F13A1: variants seen among roughly 807,000 people sequenced by gnomAD.
F13A1 encodes FSF, A subunit.
Under a neutral mutation model 80.1 loss-of-function variants are expected in F13A1, and 47 were observed. The observed-to-expected ratio is 0.59, with a 90% CI of 0.46 to 0.75. F13A1 has a LOEUF of 0.75. Ranked by LOEUF, F13A1 falls within the 30% of genes least tolerant of loss-of-function variation. F13A1 has a pLI of 0.00. For synonymous variants in F13A1, 349 were observed against 344.9 expected, an observed-to-expected ratio of 1.01 and a Z score of -0.13; for missense variants, 817 against 930.4, an observed-to-expected ratio of 0.88 and a Z score of 1.59.
intron 3 of F13A1, among the ~76,000 whole-genome samples, chr6:6,294,117 T>TA (rs1219530362): frequency 3.9e-5 from 6 of 152,190 alleles, no homozygotes; most frequent in Non-Finnish European, 1.5e-5. Flanking sequence ...AAAAAAAGTT[T>TA]TTTTAAGTAT....
intron 11 of F13A1, among the ~76,000 whole-genome samples, chr6:6,176,573 T>C (rs1760885853): frequency 1.3e-5 from 2 of 152,220 alleles, no homozygotes; most frequent in South Asian, 4.1e-4. Flanking sequence ...TTTCCCTGAT[T>C]GTCAAGACTG....
intron 13 of F13A1, among the ~76,000 whole-genome samples, chr6:6,158,525 C>T (rs1760516597): frequency 6.6e-6 from 1 of 152,106 alleles, no homozygotes; most frequent in African/African-American, 2.4e-5. Context: ...GACGTGGATT[C>T]GGTTTCTCAG....
At chr6:6,239,565 A>T (rs1163878301) in intron 6 of F13A1, among the ~76,000 whole-genome samples, 4 of 152,174 alleles carry the variant, frequency 2.6e-5, no homozygotes, top group East Asian at 3.8e-4. Context: ...CCAAGCTCTG[A>T]TAGGGGTGGG....
chr6:6,213,676 C>T (rs1474252377), intron 8 of F13A1, among the ~76,000 whole-genome samples: 6 of 150,912 alleles, frequency 4.0e-5, no homozygotes, highest in African/African-American at 1.5e-4. Flanking sequence ...TCACACATGA[C>T]AATATTAACT....
chr6:6,274,808 A>G (rs1045839971), intron 3 of F13A1, among the ~76,000 whole-genome samples: 1 of 152,188 alleles, frequency 6.6e-6, no homozygotes, highest in Admixed American at 6.5e-5. Context: ...TGGTTTTGGG[A>G]TACAATCTTA....
chr6:6,254,110 A>G (rs945277233), intron 4 of F13A1, among the ~76,000 whole-genome samples: 3 of 152,236 alleles, frequency 2.0e-5, no homozygotes, highest in Non-Finnish European at 2.9e-5. Context: ...ATGAAATACC[A>G]TAATTCTCCT....
At chr6:6,258,896 C>T (rs921988743) in intron 4 of F13A1, among the ~76,000 whole-genome samples, 1 of 152,148 alleles carries the variant, frequency 6.6e-6, no homozygotes, top group Non-Finnish European at 1.5e-5. Context: ...AGTCTCTCCT[C>T]GTTCCCCAAA....
intron 6 of F13A1, among the ~76,000 whole-genome samples, chr6:6,246,265 A>T (rs376346136): frequency 6.6e-6 from 1 of 152,308 alleles, no homozygotes. Context: ...CCTCTGTGTC[A>T]TTTTTTAAAT....
intron 8 of F13A1, among the ~76,000 whole-genome samples, chr6:6,201,060 C>T (rs1761384467): frequency 1.3e-5 from 2 of 152,118 alleles, no homozygotes; most frequent in Non-Finnish European, 2.9e-5. Flanking sequence ...CTATACGACC[C>T]GAAGTGTTTA....
intron 12 of F13A1, among the ~76,000 whole-genome samples, chr6:6,168,473 G>T (rs568431893): frequency 6.6e-6 from 1 of 152,280 alleles, no homozygotes; most frequent in East Asian, 1.9e-4. Flanking sequence ...TGTAGGCTGA[G>T]CCCAGGTGTG....
At chr6:6,311,462 G>A (rs1234591499) in intron 2 of F13A1, among the ~76,000 whole-genome samples, 1 of 150,100 alleles carries the variant, frequency 6.7e-6, no homozygotes, top group East Asian at 1.9e-4. Flanking sequence ...CTTATATGTT[G>A]ATAACAAAGG....
At chr6:6,177,553 C>T (rs1301572664) in intron 11 of F13A1, among the ~76,000 whole-genome samples, 1 of 152,212 alleles carries the variant, frequency 6.6e-6, no homozygotes, top group African/African-American at 2.4e-5. Context: ...CAGCCAGAGA[C>T]AAAACTTTCC....
chr6:6,239,132 A>G (rs1287053742), intron 6 of F13A1, among the ~76,000 whole-genome samples: 1 of 152,204 alleles, frequency 6.6e-6, no homozygotes, highest in African/African-American at 2.4e-5. Flanking sequence ...TGGATAGACA[A>G]ATTGTGATAT....
intron 3 of F13A1, among the ~76,000 whole-genome samples, chr6:6,279,442 C>CTT (rs1253474947): frequency 6.6e-6 from 1 of 152,168 alleles, no homozygotes; most frequent in African/African-American, 2.4e-5. Context: ...TTATGCAATT[C>CTT]TTTCAACTGA....
chr6:6,183,584 C>T (rs1291690987), intron 10 of F13A1, among the ~76,000 whole-genome samples: 1 of 152,158 alleles, frequency 6.6e-6, no homozygotes, highest in Non-Finnish European at 1.5e-5. Flanking sequence ...CAAAAAGTCT[C>T]ACATAATTCT....
chr6:6,150,460 G>C (rs1431312391), intron 14 of F13A1, among the ~76,000 whole-genome samples: 2 of 152,054 alleles, frequency 1.3e-5, no homozygotes, highest in Non-Finnish European at 2.9e-5. Context: ...GTTGTTTATT[G>C]CATCTGCAAT....
At chr6:6,183,177 A>C (rs1015592665) in intron 10 of F13A1, among the ~76,000 whole-genome samples, 1 of 152,192 alleles carries the variant, frequency 6.6e-6, no homozygotes, top group Admixed American at 6.5e-5. Context: ...TACTGCTAAT[A>C]GTCATTGATG....
At position 6,243,021 on chromosome 6, in the gene F13A1, C is replaced by T. The variant is rs1189628469; in HGVS notation, c.798+5291G>A. On this transcript the variant is annotated intron_variant, in intron 6 of 14. Coordinates refer to ENST00000264870, the MANE Select transcript of F13A1 (RefSeq NM_000129.4). The surrounding 1 kb of genome is among the most constrained non-coding windows in gnomAD (Gnocchi z 4.2). The stretch of plus-strand genomic sequence containing the variant: ...GAAGGCAGAAACTTAATTTTGTTCA[C>T]AATTGTACTCCAGTGTTCAGACTGG... 6.6e-6 allele frequency among the ~76,000 whole-genome samples: 1 copy of T among 152,170 alleles called. No homozygotes were observed. Among genetic ancestry groups the T allele is most frequent in the Non-Finnish European group, 1.5e-5 (1 of 68,032 alleles).
intron 10 of F13A1, among the ~76,000 whole-genome samples, chr6:6,183,443 T>C (rs190430690): frequency 2.0e-5 from 3 of 152,316 alleles, no homozygotes; most frequent in Admixed American, 1.3e-4. Flanking sequence ...GTTGCTGCCA[T>C]TAGAGAGTTT....
Sources: allele counts gnomAD v4.1 joint callset (sites outside exome capture counted in the v4.1 genomes callset), GRCh38; gene constraint gnomAD v4.1.1; non-coding constraint Gnocchi (gnomAD v3.1); transcripts MANE v1.5; gene names NCBI Gene and HGNC (gene_info 2026-07-23, HGNC 2026-07-21).